CRYBG2: variants seen among roughly 807,000 people sequenced by gnomAD.
The protein encoded by CRYBG2 is crystallin beta-gamma domain containing 2, also known as beta/gamma crystallin domain-containing protein 2.
In CRYBG2, 106 loss-of-function variants were observed where a neutral mutation model predicts 153.4. The ratio of observed to expected loss-of-function variants is 0.69; its 90% confidence interval spans 0.59 to 0.81. The LOEUF (loss-of-function observed/expected upper bound fraction) is 0.81, where lower values mean the gene tolerates loss of function less well. CRYBG2 is among the 30% of genes least tolerant of loss of function. The probability of loss-of-function intolerance (pLI) is 0.00; values close to 1 mark genes in which losing one functional copy is unlikely to be tolerated. For missense variants in CRYBG2, 1,996 were observed against 2,112.0 expected, an observed-to-expected ratio of 0.95 and a Z score of 1.08; for synonymous variants, 851 against 877.8, an observed-to-expected ratio of 0.97 and a Z score of 0.54.
At chr1:26,348,854 C>A (rs1172987838) in intron 1 of CRYBG2, among the ~76,000 whole-genome samples, 1 of 147,086 alleles carries the variant, frequency 6.8e-6, no homozygotes, top group Non-Finnish European at 1.5e-5. Flanking sequence ...CTGCGCCCGG[C>A]CTAAAAAAAG....
chr1:26,349,397 AT>A (rs1490075493), intron 1 of CRYBG2, among the ~76,000 whole-genome samples: 3 of 152,068 alleles, frequency 2.0e-5, no homozygotes, highest in African/African-American at 7.2e-5. Context: ...ACATCCAGGC[AT>A]CCTCCCTCCT....
intron 10 of CRYBG2, 94 bp from the exon 11 acceptor site, chr1:26,337,074 A>C: frequency 6.4e-7 from 1 of 1,569,656 alleles, no homozygotes; most frequent in Non-Finnish European, 8.6e-7. Flanking sequence ...CCGGGGAATT[A>C]GGGGTGAGGC....
At position 26,336,410 on chromosome 1, in the gene CRYBG2, G is replaced by A; in HGVS notation, c.4039-40C>T. 10 of 1,608,758 alleles carry A rather than the reference G, an allele frequency of 6.2e-6. No homozygotes were observed. Among genetic ancestry groups the A allele is most frequent in the Non-Finnish European group, 8.5e-6 (10 of 1,177,562 alleles). ...CGAATCGAGAATTAGGGAGGGTGCC[G>A]GCCCCTAGCCTTGTCTTCTCTAGGT... On this transcript the variant is annotated intron_variant, in intron 12 of 19. Transcript: ENST00000308182. The surrounding 1 kb of genome is among the most constrained non-coding windows in gnomAD (Gnocchi z 4.9).
At chr1:26,327,670 G>C (rs1180001135) in intron 17 of CRYBG2, among the ~76,000 whole-genome samples, 1 of 151,684 alleles carries the variant, frequency 6.6e-6, no homozygotes, top group Non-Finnish European at 1.5e-5. Flanking sequence ...AAAAGGGCTG[G>C]GCATGGTGGC....
intron 15 of CRYBG2, among the ~76,000 whole-genome samples, chr1:26,330,284 G>T (rs866193825): frequency 6.6e-6 from 1 of 152,076 alleles, no homozygotes; most frequent in Non-Finnish European, 1.5e-5. Context: ...GCTGGAGAGG[G>T]TAAATCGCTT....
intron 1 of CRYBG2, among the ~76,000 whole-genome samples, chr1:26,348,502 T>C (rs138511189): frequency 0.011 from 1,632 of 152,298 alleles, 36 homozygotes; most frequent in African/African-American, 0.037. Context: ...CAATGAGCTA[T>C]GATCGTGTCA....
In CRYBG2 at chr1:26,346,641, C is replaced by T; in HGVS notation, c.17G>A (p.Gly6Glu). Residue 6 changes from glycine to glutamate, a missense_variant, in exon 2 of 20, where the codon GGG becomes GAG. Physicochemically the swap from Gly to Glu is moderately conservative, Grantham distance 98. Transcript: ENST00000308182. This position sits in a 1 kb window ranked among gnomAD's most constrained non-coding sequence, Gnocchi z 4.9. ...TCGGGCCTTGGCCCGGGCCATGGGCCCACCTGCCTCCTCCATGTGGGGCCC... is the reference window on the plus strand; with the variant it reads ...TCGGGCCTTGGCCCGGGCCATGGGCTCACCTGCCTCCTCCATGTGGGGCCC... The part of the protein sequence containing the change: MEEAG[G>E]PMARAKARVV... 2 of 1,545,056 alleles carry T rather than the reference C, an allele frequency of 1.3e-6. No homozygotes were observed. Among genetic ancestry groups the T allele is most frequent in the Middle Eastern group, 1.7e-4 (1 of 5,950 alleles).
Position 26,345,464 on chromosome 1 carries a change from G to A in CRYBG2, c.1194C>T (p.Asp398=). 6.3e-7 allele frequency: 1 copy of A among 1,596,012 alleles called. No homozygotes were observed. Among genetic ancestry groups the A allele is most frequent in the Non-Finnish European group, 8.5e-7 (1 of 1,170,054 alleles). Residue 398 remains aspartate (D), a synonymous_variant, in exon 2 of 20, where the codon GAC becomes GAT. Transcript: ENST00000308182. ...TGGGCAGGACGGTGGCAGCAGGGGG[G>A]TCCACGGGCCCGTCCTTTTTTTTAG... The part of the protein sequence containing the change: ...LPPKKKDGPV[D]PPAATVLPMV...
rs1283522719 is a variant in CRYBG2 at position 26,337,677 on chromosome 1, G to C, written c.3508-3C>G. Reference sequence around the variant, plus strand: ...CCTGGGGCCTCATACACCACAGCCTGGGGGAAAGGGGCTGTCAGGAGTCAT... The same window carrying C: ...CCTGGGGCCTCATACACCACAGCCTCGGGGAAAGGGGCTGTCAGGAGTCAT... On this transcript the variant is annotated splice_polypyrimidine_tract_variant and splice_region_variant and intron_variant, in intron 8 of 19. Transcript: ENST00000308182. 1 of 1,609,958 alleles carries C rather than the reference G, an allele frequency of 6.2e-7. No homozygotes were observed.
intron 17 of CRYBG2, chr1:26,327,021 G>C (rs1373395797): frequency 6.0e-6 from 3 of 500,152 alleles, no homozygotes; most frequent in East Asian, 1.1e-4. Flanking sequence ...CACAAGCACA[G>C]ACTCAGAAAG....
At position 26,344,897 on chromosome 1, in the gene CRYBG2, A is replaced by G. The variant is rs1045653510; in HGVS notation, c.1761T>C (p.Gly587=). The change falls in exon 2 of 20, where the codon GGT becomes GGC. Residue 587 remains glycine (G), a synonymous_variant. Coordinates refer to ENST00000308182, the MANE Select transcript of CRYBG2 (RefSeq NM_001039775.4). ...GGGTGGGCGATGAGGCAGCAGGAGCACCAGGGCCCTTCACAACCTCTTTTG... is the reference window on the plus strand; with the variant it reads ...GGGTGGGCGATGAGGCAGCAGGAGCGCCAGGGCCCTTCACAACCTCTTTTG... ...TTPKEVVKGP[G]APAASSPTQK... 1.3e-6 allele frequency: 2 copies of G among 1,532,934 alleles called. No individual in the cohort carries two copies. The highest frequency in any genetic ancestry group is 2.8e-5 in the African/African-American group (2 of 70,738). 95.0% of individuals were successfully genotyped at this position (1,532,934 alleles called of 1,614,324 possible). A position where few individuals can be genotyped will look rare whatever the true frequency, so the allele number is the denominator to read the frequency against.
intron 15 of CRYBG2, among the ~76,000 whole-genome samples, chr1:26,330,351 C>T (rs902125701): frequency 6.6e-6 from 1 of 152,008 alleles, no homozygotes; most frequent in Non-Finnish European, 1.5e-5. Flanking sequence ...CAGAGCCCAG[C>T]GTGTCATTGC....
intron 14 of CRYBG2, among the ~76,000 whole-genome samples, chr1:26,333,230 G>T (rs1301305913): frequency 6.6e-6 from 1 of 151,914 alleles, no homozygotes; most frequent in African/African-American, 2.4e-5. Context: ...TTTAGAGGGG[G>T]TCATGAGGGT....
In CRYBG2 at chr1:26,342,734, C is replaced by T. The variant is rs1421067299; in HGVS notation, c.3204+20G>A. On this transcript the variant is annotated intron_variant, in intron 5 of 19. Transcript: ENST00000308182. ...CAACTCTAGGCACTCGAGGCCGTCTCCCACCTCCAACTCACTCACCCAGAC... is the reference window on the plus strand; with the variant it reads ...CAACTCTAGGCACTCGAGGCCGTCTTCCACCTCCAACTCACTCACCCAGAC... 6.2e-7 allele frequency: 1 copy of T among 1,610,214 alleles called. No individual in the cohort carries two copies. The highest frequency in any genetic ancestry group is 1.3e-5 in the African/African-American group (1 of 74,972).
chr1:26,349,648 T>C (rs192754148), intron 1 of CRYBG2, among the ~76,000 whole-genome samples: 1 of 152,208 alleles, frequency 6.6e-6, no homozygotes, highest in East Asian at 1.9e-4. Flanking sequence ...CCAAAACTCA[T>C]GTTGAAACTT....
At chr1:26,329,440 T>C (rs944815034) in intron 15 of CRYBG2, among the ~76,000 whole-genome samples, 13 of 151,694 alleles carry the variant, frequency 8.6e-5, no homozygotes, top group African/African-American at 2.9e-4. Flanking sequence ...CCTGCCAAAG[T>C]GCTGGGATTA....
At chr1:26,326,840 A>C in intron 17 of CRYBG2, 1 of 515,546 alleles carries the variant, frequency 1.9e-6, no homozygotes, top group Non-Finnish European at 3.9e-6. Context: ...GTGCCCAGGC[A>C]GACTTCAAGG....
At position 26,344,977 on chromosome 1, in the gene CRYBG2, T is replaced by C. The variant is rs1341534055; in HGVS notation, c.1681A>G (p.Thr561Ala). ...GPGAPAASSP[T>A]QKEVVQGSGA... ...GACCCCTGCACCACCTCCTTCTGGG[T>C]GGGGGATGAGGCAGCAGGAGCACCA... The change falls in exon 2 of 20, where the codon ACC (threonine) becomes GCC (alanine). Residue 561 changes from threonine (T) to alanine (A), a missense_variant. By Grantham distance (58) the Thr-to-Ala change is moderately conservative (BLOSUM62 0). Transcript: ENST00000308182. The C allele has an allele frequency of 7.3e-6, 11 of 1,498,988 alleles. No individual in the cohort carries two copies. In the African/African-American group the frequency reaches 1.3e-4, roughly 18 times the overall value. 92.9% of individuals were successfully genotyped at this position (1,498,988 alleles called of 1,614,324 possible). A position where few individuals can be genotyped will look rare whatever the true frequency, so the allele number is the denominator to read the frequency against.
rs938075945 is a variant in CRYBG2 at position 26,326,830 on chromosome 1, G to C, written c.4578+1379C>G. 5.8e-6 allele frequency: 3 copies of C among 515,584 alleles called. No individual in the cohort carries two copies. In the East Asian group the frequency reaches 1.6e-4, roughly 28 times the overall value. 31.9% of individuals were successfully genotyped at this position (515,584 alleles called of 1,614,324 possible). ...AAGCACCAAAATCTGCATGTGGCGT[G>C]TGCCCAGGCAGACTTCAAGGGGTTC... On this transcript the variant is annotated intron_variant, in intron 17 of 19. Coordinates refer to ENST00000308182, the MANE Select transcript of CRYBG2 (RefSeq NM_001039775.4).
Sources: gnomAD v4.1 joint callset for allele counts (sites outside exome capture counted in the v4.1 genomes callset) on GRCh38, gnomAD v4.1.1 for gene constraint, Gnocchi (gnomAD v3.1) non-coding constraint, MANE v1.5 for transcripts, NCBI Gene and HGNC (gene_info 2026-07-23, HGNC 2026-07-21) for gene names.